Variants in CDK14 observed in about 807,000 individuals in gnomAD.
The protein encoded by CDK14 is cyclin-dependent kinase 14.
CDK14 carries 34 observed loss-of-function variants against 60.7 expected under a neutral mutation model. The observed-to-expected ratio is 0.56, with a 90% confidence interval of 0.43 to 0.75. The LOEUF (loss-of-function observed/expected upper bound fraction) is 0.75, where lower values mean the gene tolerates loss of function less well. Among genes scored for constraint, CDK14 ranks in the 30% least tolerant of loss-of-function variants. The pLI is 0.00. For missense variants in CDK14, 482 were observed against 564.1 expected, an observed-to-expected ratio of 0.85 and a Z score of 1.47; for synonymous variants, 197 against 203.7, an observed-to-expected ratio of 0.97 and a Z score of 0.28.
rs1802182012 is a variant in CDK14 at position 91,186,201 on chromosome 7, CCCTCTCCTCT to C, written c.*29-20959_*29-20950del. On this transcript the variant is annotated intron_variant, in intron 14 of 14. Coordinates refer to ENST00000380050, the MANE Select transcript of CDK14 (RefSeq NM_001287135.2). Reference sequence around the variant, plus strand: ...CCCTCCCCTCTCCTCTCCTCCCCTCCCCTCTCCTCTCCTCCCCTCCCCTCTCCTCTCCTCC... The same window carrying C: ...CCCTCCCCTCTCCTCTCCTCCCCTCCCCTCCCCTCCCCTCTCCTCTCCTCC... Among the ~76,000 whole-genome samples, 4 of 4,084 alleles carry C rather than the reference CCCTCTCCTCT, an allele frequency of 9.8e-4. 1 individual carries two copies. The highest frequency in any genetic ancestry group is 1.5e-3 in the Non-Finnish European group (3 of 2,028). The allele number at this position is 4,084 out of a possible 152,430, so 2.7% of individuals were successfully genotyped here.
intron 12 of CDK14, among the ~76,000 whole-genome samples, chr7:91,103,352 C>A (rs1002631258): frequency 6.6e-6 from 1 of 152,128 alleles, no homozygotes; most frequent in African/African-American, 2.4e-5. Flanking sequence ...TTTTTGTCCT[C>A]CACTTTCCAT....
Position 90,797,712 on chromosome 7 carries a change from A to G in CDK14, c.544+7060A>G, listed in dbSNP as rs182837155. Among the ~76,000 whole-genome samples the G allele has an allele frequency of 2.3e-4, 35 of 152,052 alleles. No homozygotes were observed. In the East Asian group the frequency reaches 5.8e-3, roughly 25 times the overall value. On this transcript the variant is annotated intron_variant, in intron 5 of 14. Transcript: ENST00000380050. The stretch of plus-strand genomic sequence containing the variant: ...AAACTTTCAATCATCCTATAAGGCA[A>G]AGGGGAAGCAGGCACGTCTTACATG...
chr7:90,736,063 A>G (rs1405313882), intron 3 of CDK14, among the ~76,000 whole-genome samples: 2 of 152,036 alleles, frequency 1.3e-5, no homozygotes, highest in South Asian at 2.1e-4. Context: ...TCATGGCTTC[A>G]CTTGGCTGGG....
intron 5 of CDK14, among the ~76,000 whole-genome samples, chr7:90,851,769 T>C (rs1037320388): frequency 1.2e-4 from 16 of 128,490 alleles, no homozygotes; most frequent in African/African-American, 4.5e-4. Flanking sequence ...TTTTCTTGAA[T>C]ACCTGTTTTT....
At chr7:91,075,383 A>G (rs1584019756) in intron 11 of CDK14, among the ~76,000 whole-genome samples, 1 of 152,222 alleles carries the variant, frequency 6.6e-6, no homozygotes, top group Non-Finnish European at 1.5e-5. Flanking sequence ...GATTAACTCA[A>G]TAGATGCAGA....
intron 4 of CDK14, among the ~76,000 whole-genome samples, chr7:90,781,319 C>T (rs1487410915): frequency 6.6e-6 from 1 of 151,954 alleles, no homozygotes; most frequent in Non-Finnish European, 1.5e-5. Context: ...GATATTAGCC[C>T]TTTGTCAGAT....
chr7:91,067,991 G>A (rs533800438), intron 11 of CDK14, among the ~76,000 whole-genome samples: 17 of 151,996 alleles, frequency 1.1e-4, no homozygotes, highest in Admixed American at 2.0e-4. Flanking sequence ...GTTTTATGAG[G>A]GCATTTGACT....
At chr7:91,107,239 A>G (rs1799329951) in intron 12 of CDK14, 2 of 152,204 alleles carry the variant, frequency 1.3e-5, no homozygotes, top group South Asian at 4.1e-4. Flanking sequence ...ATTATTTTTT[A>G]CATCATTTCT....
intron 10 of CDK14, among the ~76,000 whole-genome samples, chr7:91,003,695 C>G (rs1795903362): frequency 6.6e-6 from 1 of 152,124 alleles, no homozygotes; most frequent in African/African-American, 2.4e-5. Context: ...TTGCACACTT[C>G]CACCCATATA....
intron 5 of CDK14, among the ~76,000 whole-genome samples, chr7:90,858,382 G>C (rs755344589): frequency 6.6e-6 from 1 of 152,088 alleles, no homozygotes; most frequent in African/African-American, 2.4e-5. Context: ...GGGGGAAAAC[G>C]GTTAAAGAAA....
intron 2 of CDK14, among the ~76,000 whole-genome samples, chr7:90,698,067 CAAAAAA>C (rs71104484): frequency 2.8e-4 from 21 of 75,736 alleles, no homozygotes; most frequent in Non-Finnish European, 3.2e-4. Context: ...GACTCTGTCT[CAAAAAA>C]AAAAAAAAAA....
intron 14 of CDK14, among the ~76,000 whole-genome samples, chr7:91,129,924 T>A (rs1259977822): frequency 6.6e-6 from 1 of 152,158 alleles, no homozygotes; most frequent in East Asian, 1.9e-4. Flanking sequence ...AAATAATGCA[T>A]GGATAAAATA....
At chr7:91,165,284 A>G (rs1433870161) in intron 14 of CDK14, among the ~76,000 whole-genome samples, 3 of 152,212 alleles carry the variant, frequency 2.0e-5, no homozygotes, top group African/African-American at 7.2e-5. Context: ...CGTACATCTA[A>G]TAATCATGTG....
At chr7:90,628,455 T>A (rs1171109777) in intron 2 of CDK14, among the ~76,000 whole-genome samples, 1 of 152,116 alleles carries the variant, frequency 6.6e-6, no homozygotes, top group Non-Finnish European at 1.5e-5. Flanking sequence ...CCATTGAGGG[T>A]CCATATGATC....
intron 14 of CDK14, among the ~76,000 whole-genome samples, chr7:91,173,763 G>A (rs1801615734): frequency 6.6e-6 from 1 of 152,164 alleles, no homozygotes; most frequent in African/African-American, 2.4e-5. Context: ...TTAAAAAACG[G>A]CTCACCACGA....
intron 2 of CDK14, among the ~76,000 whole-genome samples, chr7:90,648,571 A>T (rs962164044): frequency 4.3e-4 from 65 of 152,226 alleles, no homozygotes; most frequent in African/African-American, 1.5e-3. Flanking sequence ...CTAGAGATTC[A>T]GATCTCACCC....
chr7:90,819,899 T>A (rs1045096080), intron 5 of CDK14, among the ~76,000 whole-genome samples: 2 of 152,190 alleles, frequency 1.3e-5, no homozygotes, highest in Non-Finnish European at 2.9e-5. Context: ...AATACTAGAA[T>A]GTTTTAAAGG....
intron 3 of CDK14, among the ~76,000 whole-genome samples, chr7:90,734,459 A>T (rs1432531500): frequency 6.6e-6 from 1 of 151,876 alleles, no homozygotes; most frequent in Non-Finnish European, 1.5e-5. Context: ...TCAAATATAG[A>T]TTTTGTCTTT....
chr7:90,812,230 A>G (rs868845219), intron 5 of CDK14, among the ~76,000 whole-genome samples: 2 of 152,234 alleles, frequency 1.3e-5, no homozygotes, highest in Admixed American at 1.3e-4. Flanking sequence ...ATATCCAACA[A>G]TGATAAACTG....
Sources: allele counts gnomAD v4.1 joint callset (sites outside exome capture counted in the v4.1 genomes callset), GRCh38; gene constraint gnomAD v4.1.1; transcripts MANE v1.5; gene names NCBI Gene and HGNC (gene_info 2026-07-23, HGNC 2026-07-21).